The following ANKRD11 variants were observed in gnomAD, a reference collection of about 807,000 sequenced individuals.
ANKRD11 encodes the protein ankyrin repeat domain-containing protein 11.
In ANKRD11, 17 loss-of-function variants were observed where a neutral mutation model predicts 195.7. The ratio of observed to expected loss-of-function variants is 0.09; its 90% confidence interval spans 0.06 to 0.13. The LOEUF (loss-of-function observed/expected upper bound fraction) is 0.13, where lower values mean the gene tolerates loss of function less well. ANKRD11 is among the 10% of genes least tolerant of loss of function. The pLI is 1.00. For synonymous variants in ANKRD11, 1,953 were observed against 1,528.1 expected, an observed-to-expected ratio of 1.28 and a Z score of -6.49; for missense variants, 3,735 against 3,566.1, an observed-to-expected ratio of 1.05 and a Z score of -1.21.
At chr16:89,403,251 T>C (rs2041774853) in intron 2 of ANKRD11, among the ~76,000 whole-genome samples, 1 of 152,184 alleles carries the variant, frequency 6.6e-6, no homozygotes, top group Non-Finnish European at 1.5e-5. Context: ...AAGTATCTGA[T>C]GCGCACTCAC....
At chr16:89,289,797 T>A (rs560130973) in intron 6 of ANKRD11, among the ~76,000 whole-genome samples, 1 of 152,184 alleles carries the variant, frequency 6.6e-6, no homozygotes, top group South Asian at 2.1e-4. Context: ...TCCCAGCACT[T>A]TGGGAAGCCA....
chr16:89,279,816 C>G lies in ANKRD11; in HGVS notation c.6726G>C (p.Ala2242=). ...RGDPDSSVEP[A]PVPPEQRPLG... ...GTGGGCGCTGTTCTGGGGGAACGGG[C>G]GCGGGCTCCACGCTGGAGTCCGGAT... Residue 2242 remains alanine, a synonymous_variant, in exon 9 of 13, where the codon GCG becomes GCC. Transcript: ENST00000301030. This position sits in a 1 kb window ranked among gnomAD's most constrained non-coding sequence, Gnocchi z 5.6. 6.5e-7 allele frequency: 1 copy of G among 1,542,924 alleles called. No individual in the cohort carries two copies. Among genetic ancestry groups the G allele is most frequent in the Non-Finnish European group, 8.7e-7 (1 of 1,147,300 alleles).
chr16:89,374,413 A>T (rs942234810), intron 2 of ANKRD11, among the ~76,000 whole-genome samples: 9 of 152,200 alleles, frequency 5.9e-5, no homozygotes, highest in Non-Finnish European at 1.2e-4. Flanking sequence ...CTACATGGGC[A>T]GAGCTGAACG....
chr16:89,278,529 G>C (rs1176507124), intron 9 of ANKRD11: 1 of 456,552 alleles, frequency 2.2e-6, no homozygotes, highest in Non-Finnish European at 4.4e-6. Flanking sequence ...TGGGCTGACA[G>C]GGTCAGGTGG....
At chr16:89,487,837 A>G (rs1420237264) in intron 1 of ANKRD11, among the ~76,000 whole-genome samples, 1 of 152,220 alleles carries the variant, frequency 6.6e-6, no homozygotes, top group Non-Finnish European at 1.5e-5. Flanking sequence ...GTCCAACACA[A>G]ACAGCATAGT....
chr16:89,414,169 C>T (rs1238287545), intron 2 of ANKRD11, among the ~76,000 whole-genome samples: 1 of 152,224 alleles, frequency 6.6e-6, no homozygotes, highest in South Asian at 2.1e-4. Flanking sequence ...AACCTGATTA[C>T]TTTTCCATCT....
At chr16:89,449,055 C>G (rs2043937497) in intron 1 of ANKRD11, among the ~76,000 whole-genome samples, 1 of 152,084 alleles carries the variant, frequency 6.6e-6, no homozygotes, top group African/African-American at 2.4e-5. Flanking sequence ...AATAGAAACA[C>G]AGAAATGGAA....
In ANKRD11 at chr16:89,285,540, T is replaced by G. The variant is rs767149122; in HGVS notation, c.1002A>C (p.Pro334=). 7 of 1,614,082 alleles carry G rather than the reference T, an allele frequency of 4.3e-6. No homozygotes were observed. The highest frequency in any genetic ancestry group is 5.1e-6 in the Non-Finnish European group (6 of 1,179,962). ...CGGGGGCCGTGGCCTTCTGTGGCTC[T>G]GGGTTCTTGGCCTTGTGCTTGAGGC... ...EKGLKHKAKN[P]EPQKATAPVK... The change falls in exon 9 of 13, where the codon CCA becomes CCC. Residue 334 remains proline (P), a synonymous_variant. Transcript: ENST00000301030. The surrounding 1 kb of genome is among the most constrained non-coding windows in gnomAD (Gnocchi z 5.6).
chr16:89,438,840 A>G (rs1435524535), intron 1 of ANKRD11, among the ~76,000 whole-genome samples: 1 of 152,098 alleles, frequency 6.6e-6, no homozygotes. Context: ...CCGCATCTCT[A>G]TAAAAAATTT....
chr16:89,374,778 C>CA (rs1479801899), intron 2 of ANKRD11, among the ~76,000 whole-genome samples: 10 of 152,330 alleles, frequency 6.6e-5, no homozygotes, highest in African/African-American at 2.4e-4. Flanking sequence ...CGTGGACACA[C>CA]ACGTGTGCAC....
At chr16:89,449,882 CATAG>C (rs1567822142) in intron 1 of ANKRD11, among the ~76,000 whole-genome samples, 1 of 33,326 alleles carries the variant, frequency 3.0e-5, no homozygotes, top group African/African-American at 1.3e-4. Context: ...TGATCAAAGT[CATAG>C]ACAGGCAGAG....
chr16:89,484,210 G>T (rs540160585), intron 1 of ANKRD11, among the ~76,000 whole-genome samples: 2 of 152,202 alleles, frequency 1.3e-5, no homozygotes, highest in African/African-American at 4.8e-5. Flanking sequence ...GTGCTCTGGG[G>T]TTTTTTTGGT....
At chr16:89,376,838 A>C in intron 2 of ANKRD11, among the ~76,000 whole-genome samples, 1 of 152,226 alleles carries the variant, frequency 6.6e-6, no homozygotes, top group Non-Finnish European at 1.5e-5. Flanking sequence ...GAGCACTGGG[A>C]TAGAAGGCAA....
At chr16:89,463,734 G>A (rs1201930324) in intron 1 of ANKRD11, among the ~76,000 whole-genome samples, 3 of 149,968 alleles carry the variant, frequency 2.0e-5, no homozygotes, top group African/African-American at 7.4e-5. Context: ...TAATTTCAAC[G>A]TAGTATTCCA....
chr16:89,269,341 C>T (rs889645829), intron 12 of ANKRD11, among the ~76,000 whole-genome samples: 3 of 152,078 alleles, frequency 2.0e-5, no homozygotes, highest in Non-Finnish European at 2.9e-5. Flanking sequence ...TGGGGTTTTG[C>T]GATGTTGGCG....
rs1488664550 is a variant in ANKRD11 at position 89,282,827 on chromosome 16, G to T, written c.3715C>A (p.Pro1239Thr). The T allele has an allele frequency of 3.1e-6, 5 of 1,611,146 alleles. No homozygotes were observed. Among genetic ancestry groups the T allele is most frequent in the Non-Finnish European group, 4.2e-6 (5 of 1,179,988 alleles). Reference protein sequence around the residue: ...TQDKKNKQKLPEKAEKKHAAE... With the variant: ...TQDKKNKQKLTEKAEKKHAAE... ...GCGTGCTTCTTTTCAGCCTTCTCGG[G>T]GAGCTTCTGTTTATTTTTCTTATCT... is the stretch of plus-strand genomic sequence containing the variant. Residue 1239 changes from proline to threonine, a missense_variant, in exon 9 of 13, where the codon CCC (proline) becomes ACC (threonine). Physicochemically the swap from Pro to Thr is conservative, Grantham distance 38. Coordinates refer to ENST00000301030, the MANE Select transcript of ANKRD11 (RefSeq NM_013275.6).
chr16:89,374,564 T>G (rs1430590230), intron 2 of ANKRD11, among the ~76,000 whole-genome samples: 1 of 152,230 alleles, frequency 6.6e-6, no homozygotes, highest in Non-Finnish European at 1.5e-5. Flanking sequence ...AGCTACACTC[T>G]GTCCTATGCT....
At position 89,437,247 on chromosome 16, in the gene ANKRD11, T is replaced by C. The variant is rs561385929; in HGVS notation, c.-144-18879A>G. On this transcript the variant is annotated intron_variant, in intron 1 of 12. Coordinates refer to ENST00000301030, the MANE Select transcript of ANKRD11 (RefSeq NM_013275.6). ...CCAACAACAGTGGCCTCTCATTCCA[T>C]GAACCAAGCATGATGCTAATATGCT... 1.6e-4 allele frequency among the ~76,000 whole-genome samples: 24 copies of C among 152,342 alleles called. No individual in the cohort carries two copies. The East Asian group carries it at 4.1e-3, about 26-fold the overall frequency.
At chr16:89,473,782 T>A (rs1043672661) in intron 1 of ANKRD11, among the ~76,000 whole-genome samples, 2 of 152,158 alleles carry the variant, frequency 1.3e-5, no homozygotes, top group African/African-American at 4.8e-5. Context: ...CCAGTGTCCA[T>A]GCCTCCTTGT....
Sources: gnomAD v4.1 joint callset for allele counts (sites outside exome capture counted in the v4.1 genomes callset) on GRCh38, gnomAD v4.1.1 for gene constraint, Gnocchi (gnomAD v3.1) non-coding constraint, MANE v1.5 for transcripts, NCBI Gene and HGNC (gene_info 2026-07-23, HGNC 2026-07-21) for gene names.